EEIG2: variants seen among roughly 807,000 people sequenced by gnomAD.
The protein encoded by EEIG2 is EEIG family member 2, also known as family with sequence similarity 102 member B.
chr1:108,617,579 G>A, the EEIG2 span, among the ~76,000 whole-genome samples: 1 of 152,126 alleles, frequency 6.6e-6, no homozygotes, highest in Non-Finnish European at 1.5e-5. Flanking sequence ...ATAGAAGTTT[G>A]GAAATTATTA....
chr1:108,622,516 C>A, the EEIG2 span, among the ~76,000 whole-genome samples: 1 of 152,142 alleles, frequency 6.6e-6, no homozygotes, highest in Non-Finnish European at 1.5e-5. Flanking sequence ...AGGAAGGAGG[C>A]AGAGGTGATA....
the EEIG2 span, among the ~76,000 whole-genome samples, chr1:108,603,745 A>G: frequency 6.6e-6 from 1 of 152,270 alleles, no homozygotes; most frequent in Non-Finnish European, 1.5e-5. Context: ...AACAAGATGG[A>G]GAATTTCATC....
the EEIG2 span, chr1:108,639,156 T>G: frequency 6.6e-6 from 1 of 152,136 alleles, no homozygotes; most frequent in African/African-American, 2.4e-5. Flanking sequence ...GTTCTAATAC[T>G]TGGAGAATGA....
the EEIG2 span, among the ~76,000 whole-genome samples, chr1:108,594,870 T>C: frequency 6.6e-6 from 1 of 152,182 alleles, no homozygotes; most frequent in South Asian, 2.1e-4. Flanking sequence ...TGTGCTGAAG[T>C]TTCTTAATCT....
chr1:108,573,756 G>T, the EEIG2 span, among the ~76,000 whole-genome samples: 1 of 152,062 alleles, frequency 6.6e-6, no homozygotes, highest in Non-Finnish European at 1.5e-5. Flanking sequence ...TATACAAATG[G>T]CCAGAAGCAC....
At chr1:108,630,360 G>A in the EEIG2 span, among the ~76,000 whole-genome samples, 1 of 152,206 alleles carries the variant, frequency 6.6e-6, no homozygotes, top group African/African-American at 2.4e-5. Flanking sequence ...TCACTCATAG[G>A]TGGGAATTGA....
At chr1:108,582,695 T>A in the EEIG2 span, among the ~76,000 whole-genome samples, 2 of 152,112 alleles carry the variant, frequency 1.3e-5, no homozygotes, top group African/African-American at 2.4e-5. Context: ...CAAGAGAGAA[T>A]TTTGAGCATT....
chr1:108,621,239 T>C, the EEIG2 span, among the ~76,000 whole-genome samples: 1 of 152,152 alleles, frequency 6.6e-6, no homozygotes, highest in African/African-American at 2.4e-5. Context: ...TATAAAAGCA[T>C]TTTCAGAACA....
the EEIG2 span, among the ~76,000 whole-genome samples, chr1:108,621,711 G>C: frequency 6.6e-6 from 1 of 152,136 alleles, no homozygotes; most frequent in Non-Finnish European, 1.5e-5. Flanking sequence ...AAAAAGGTAA[G>C]AATTTTTAGA....
chr1:108,609,044 C>T, the EEIG2 span, among the ~76,000 whole-genome samples: 1 of 152,228 alleles, frequency 6.6e-6, no homozygotes, highest in African/African-American at 2.4e-5. Context: ...CCTAATACCA[C>T]CCTTTTGGGG....
chr1:108,594,642 A>G, the EEIG2 span, among the ~76,000 whole-genome samples: 1 of 152,204 alleles, frequency 6.6e-6, no homozygotes, highest in Non-Finnish European at 1.5e-5. Context: ...AATGCCTGTA[A>G]TAATAATCAC....
At chr1:108,637,425 CT>C in the EEIG2 span, 1 of 151,866 alleles carries the variant, frequency 6.6e-6, no homozygotes, top group South Asian at 2.1e-4. Flanking sequence ...AAGTGTCTGC[CT>C]TACTTTCTGA....
the EEIG2 span, among the ~76,000 whole-genome samples, chr1:108,603,331 C>T: frequency 3.9e-5 from 6 of 152,150 alleles, no homozygotes; most frequent in African/African-American, 1.2e-4. Context: ...GGAACAAAAA[C>T]TGAAATCTGG....
At chr1:108,630,680 C>T in the EEIG2 span, among the ~76,000 whole-genome samples, 1 of 152,202 alleles carries the variant, frequency 6.6e-6, no homozygotes, top group Non-Finnish European at 1.5e-5. Flanking sequence ...ATCAGCACTG[C>T]AGCAGATAAT....
At chr1:108,628,456 C>T in the EEIG2 span, 3 of 1,614,082 alleles carry the variant, frequency 1.9e-6, no homozygotes, top group Non-Finnish European at 2.5e-6. Flanking sequence ...GGAGAAATAC[C>T]TCAGTGGGAA....
chr1:108,569,887 A>T, the EEIG2 span, among the ~76,000 whole-genome samples: 4 of 152,214 alleles, frequency 2.6e-5, no homozygotes, highest in South Asian at 8.3e-4. Flanking sequence ...CCTACAGTCC[A>T]CCCACGGCTC....
At chr1:108,596,597 C>T in the EEIG2 span, among the ~76,000 whole-genome samples, 1 of 152,010 alleles carries the variant, frequency 6.6e-6, no homozygotes, top group Non-Finnish European at 1.5e-5. Context: ...TTTCCATGAG[C>T]ACTTTAATTC....
At chr1:108,602,650 C>T in the EEIG2 span, among the ~76,000 whole-genome samples, 3 of 151,984 alleles carry the variant, frequency 2.0e-5, no homozygotes, top group Admixed American at 1.3e-4. Context: ...GAGGCTGAGG[C>T]AGGCAGATTG....
the EEIG2 span, chr1:108,635,027 C>A: frequency 1.4e-6 from 2 of 1,382,622 alleles, no homozygotes; most frequent in Non-Finnish European, 2.0e-6. Context: ...AGTGCCCCAT[C>A]TCTCCAGGGG....
Sources: gnomAD v4.1 joint callset for allele counts (sites outside exome capture counted in the v4.1 genomes callset) on GRCh38, gnomAD v4.1.1 for gene constraint, MANE v1.5 for transcripts, NCBI Gene and HGNC (gene_info 2026-07-23, HGNC 2026-07-21) for gene names.